The following TRPM6 variants were observed in gnomAD, a reference collection of about 807,000 sequenced individuals.
The protein encoded by TRPM6 is channel kinase 2.
In TRPM6, 111 loss-of-function variants were observed where a neutral mutation model predicts 247.6. The ratio of observed to expected loss-of-function variants is 0.45; its 90% CI spans 0.38 to 0.52. The LOEUF is 0.52. Among genes scored for constraint, TRPM6 ranks in the 20% least tolerant of loss-of-function variants. The pLI, the probability that TRPM6 is intolerant of heterozygous loss-of-function variation, is 0.00. For missense variants in TRPM6, 2,126 were observed against 2,421.5 expected (o/e 0.88, Z 2.56); for synonymous variants, 892 against 853.8 (o/e 1.04, Z -0.78).
At chr9:74,827,735 G>C in intron 7 of TRPM6, 43 bp downstream of exon 7, 1 of 1,604,416 alleles carries the variant, frequency 6.2e-7, no homozygotes, top group African/African-American at 1.3e-5. Context: ...GACCTCAGCA[G>C]GCCTGCAACC....
intron 1 of TRPM6, among the ~76,000 whole-genome samples, chr9:74,872,888 C>T (rs981109012): frequency 1.3e-5 from 2 of 152,160 alleles, no homozygotes; most frequent in African/African-American, 4.8e-5. Flanking sequence ...CTTTCTACCT[C>T]TAATTTTCTC....
chr9:74,858,538 GAAAT>G (rs1830596794), intron 2 of TRPM6, 127 bp downstream of exon 2: 1 of 605,378 alleles, frequency 1.7e-6, no homozygotes, highest in African/African-American at 1.9e-5. Context: ...TAAAGTGAAA[GAAAT>G]AAACATTGAA....
At chr9:74,843,594 G>A (rs1830011468) in intron 3 of TRPM6, among the ~76,000 whole-genome samples, 1 of 151,848 alleles carries the variant, frequency 6.6e-6, no homozygotes, top group South Asian at 2.1e-4. Context: ...GGATCATGAG[G>A]TCAGGAGATC....
At chr9:74,833,346 G>C (rs1375213054) in intron 6 of TRPM6, among the ~76,000 whole-genome samples, 4 of 152,158 alleles carry the variant, frequency 2.6e-5, no homozygotes, top group African/African-American at 7.2e-5. Context: ...ACTGAGACAA[G>C]TCCGTTCCCT....
intron 23 of TRPM6, among the ~76,000 whole-genome samples, chr9:74,777,818 T>C (rs908828480): frequency 2.6e-5 from 4 of 152,146 alleles, no homozygotes; most frequent in African/African-American, 9.7e-5. Context: ...GCACAAATAC[T>C]TTCCCCCACA....
rs1825194095 is a variant in TRPM6, at chr9:74,723,206, C to T, written c.*1407G>A. The T allele has an allele frequency of 6.6e-6, 1 of 152,138 alleles. No homozygotes were observed. The highest frequency in any genetic ancestry group is 6.5e-5 in the Admixed American group (1 of 15,280). 9.4% of individuals were successfully genotyped at this position (152,138 alleles called of 1,614,324 possible). On this transcript the variant is annotated 3_prime_UTR_variant, in exon 39 of 39. Coordinates refer to ENST00000360774, the MANE Select transcript of TRPM6 (RefSeq NM_017662.5). The stretch of plus-strand genomic sequence containing the variant: ...CACCTTAGGCCTCACAAACCAATGA[C>T]ATGTTCTCAGCCATATTTCAAAATA...
At chr9:74,824,766 C>A (rs1434761012) in intron 7 of TRPM6, among the ~76,000 whole-genome samples, 1 of 152,162 alleles carries the variant, frequency 6.6e-6, no homozygotes, top group Non-Finnish European at 1.5e-5. Flanking sequence ...GGCATCAGAG[C>A]CTATGTTTCC....
chr9:74,758,152 A>T (rs1826497208), intron 27 of TRPM6, among the ~76,000 whole-genome samples: 1 of 152,202 alleles, frequency 6.6e-6, no homozygotes, highest in South Asian at 2.1e-4. Context: ...ATTTGTAGTT[A>T]AAAGCTTTCC....
intron 14 of TRPM6, among the ~76,000 whole-genome samples, chr9:74,807,313 C>T (rs1405530637): frequency 6.6e-6 from 1 of 152,162 alleles, no homozygotes; most frequent in Non-Finnish European, 1.5e-5. Flanking sequence ...CAGAAACATA[C>T]CTGAATATCC....
At chr9:74,827,623 G>A (rs1199017467) in intron 7 of TRPM6, 155 bp downstream of exon 7, 2 of 758,400 alleles carry the variant, frequency 2.6e-6, no homozygotes, top group Non-Finnish European at 4.8e-6. Context: ...GAGAGAGGAG[G>A]GGAGATGCCC....
chr9:74,876,518 T>C (rs1465165936), intron 1 of TRPM6, among the ~76,000 whole-genome samples: 1 of 152,242 alleles, frequency 6.6e-6, no homozygotes, highest in Non-Finnish European at 1.5e-5. Flanking sequence ...GGATACTGAA[T>C]CTTAGAGAGG....
At chr9:74,727,377 G>A (rs969228243) in intron 38 of TRPM6, among the ~76,000 whole-genome samples, 15 of 113,172 alleles carry the variant, frequency 1.3e-4, no homozygotes, top group East Asian at 1.0e-3. Flanking sequence ...GTGAGACTCC[G>A]TCTCAAAAAA....
rs78698976 is a variant in TRPM6 at position 74,724,540 on chromosome 9, G to T, written c.*73C>A. ...GAGACGCTGATGTAATCAACATCAC[G>T]TTGATCAATCTATGTTATCACAGAG... is the stretch of plus-strand genomic sequence containing the variant. On this transcript the variant is annotated 3_prime_UTR_variant, in exon 39 of 39. Transcript: ENST00000360774. The T allele has an allele frequency of 6.2e-7, 1 of 1,606,978 alleles. No homozygotes were observed. The highest frequency in any genetic ancestry group is 8.5e-7 in the Non-Finnish European group (1 of 1,174,520).
chr9:74,762,505 C>A lies in TRPM6; in HGVS notation c.4166G>T (p.Gly1389Val). ...IQTEVLVHLT[G>V]QTPVVSDWAS... ...CCAGTCAGAGACAACTGGGGTCTGCCCAGTCAGATGAACAAGAACCTCAGT... is the reference window on the plus strand; with the variant it reads ...CCAGTCAGAGACAACTGGGGTCTGCACAGTCAGATGAACAAGAACCTCAGT... Residue 1389 changes from glycine (G) to valine (V), a missense_variant, in exon 26 of 39, where the codon GGG (glycine) becomes GTG (valine). Physicochemically the swap from Gly to Val is moderately radical, Grantham distance 109. Transcript: ENST00000360774. The A allele has an allele frequency of 6.2e-7, 1 of 1,614,100 alleles. No individual in the cohort carries two copies. The highest frequency in any genetic ancestry group is 1.7e-5 in the Admixed American group (1 of 60,002).
intron 1 of TRPM6, among the ~76,000 whole-genome samples, chr9:74,862,842 G>A (rs1324148480): frequency 6.6e-6 from 1 of 151,728 alleles, no homozygotes; most frequent in Non-Finnish European, 1.5e-5. Flanking sequence ...ATTAGCTGAC[G>A]TGGTGTCGGG....
intron 16 of TRPM6, among the ~76,000 whole-genome samples, chr9:74,801,147 A>G (rs1828317452): frequency 6.6e-6 from 1 of 151,064 alleles, no homozygotes; most frequent in African/African-American, 2.4e-5. Context: ...TGTGTTGCCC[A>G]GGCTGGTCTT....
intron 3 of TRPM6, among the ~76,000 whole-genome samples, chr9:74,847,734 C>T (rs1392621232): frequency 6.6e-6 from 1 of 151,774 alleles, no homozygotes; most frequent in Non-Finnish European, 1.5e-5. Flanking sequence ...ATACTCTAAA[C>T]CATTGTCATT....
At chr9:74,800,064 A>G in intron 17 of TRPM6, 190 bp downstream of exon 17, 1 of 628,146 alleles carries the variant, frequency 1.6e-6, no homozygotes, top group Non-Finnish European at 2.8e-6. Flanking sequence ...ACCATCCCCG[A>G]TAGAGGAAGA....
At chr9:74,849,443 T>A (rs1830220821) in intron 3 of TRPM6, among the ~76,000 whole-genome samples, 1 of 149,832 alleles carries the variant, frequency 6.7e-6, no homozygotes, top group African/African-American at 2.5e-5. Flanking sequence ...GAAGGAGAGA[T>A]CCCCAGGATG....
Sources: gnomAD v4.1 joint callset for allele counts (sites outside exome capture counted in the v4.1 genomes callset) on GRCh38, gnomAD v4.1.1 for gene constraint, MANE v1.5 for transcripts, NCBI Gene and HGNC (gene_info 2026-07-23, HGNC 2026-07-21) for gene names.